The following CAB39L variants were observed in gnomAD, a reference collection of about 807,000 sequenced individuals.
CAB39L encodes the protein calcium-binding protein 39-like.
Under a neutral mutation model 39.1 loss-of-function variants are expected in CAB39L, and 23 were observed. That is an observed-to-expected ratio of 0.59 (90% CI 0.42 to 0.83). The LOEUF is 0.83. Among genes scored for constraint, CAB39L ranks in the 40% least tolerant of loss-of-function variants. CAB39L has a pLI of 0.00. For missense variants in CAB39L, 366 were observed against 391.9 expected (o/e 0.93, Z 0.56); for synonymous variants, 126 against 137.2 (o/e 0.92, Z 0.57).
chr13:49,409,660 G>T (rs988663290), intron 3 of CAB39L, among the ~76,000 whole-genome samples: 4 of 152,098 alleles, frequency 2.6e-5, no homozygotes, highest in Non-Finnish European at 5.9e-5. Context: ...GAGGAATGAA[G>T]TTAGGAAGCA....
At chr13:49,410,345 C>T (rs1376796940) in intron 3 of CAB39L, among the ~76,000 whole-genome samples, 1 of 152,198 alleles carries the variant, frequency 6.6e-6, no homozygotes, top group Non-Finnish European at 1.5e-5. Context: ...GAACAATTCC[C>T]ACCCTGTTGA....
At chr13:49,343,832 T>G (rs1399240156) in intron 8 of CAB39L, among the ~76,000 whole-genome samples, 3 of 152,188 alleles carry the variant, frequency 2.0e-5, no homozygotes, top group African/African-American at 7.2e-5. Context: ...GTAAGACTAA[T>G]TATCAACCAA....
chr13:49,364,186 G>A (rs1444750271), intron 5 of CAB39L, among the ~76,000 whole-genome samples: 7 of 152,170 alleles, frequency 4.6e-5, no homozygotes, highest in Non-Finnish European at 7.3e-5. Flanking sequence ...AATATTATTA[G>A]AGCTAAAGTG....
intron 9 of CAB39L, among the ~76,000 whole-genome samples, chr13:49,334,616 G>A (rs1445942829): frequency 6.6e-6 from 1 of 152,062 alleles, no homozygotes; most frequent in Non-Finnish European, 1.5e-5. Context: ...AGTTATTTGT[G>A]ACCCTGTTTA....
intron 5 of CAB39L, among the ~76,000 whole-genome samples, chr13:49,360,593 A>G (rs1416784526): frequency 6.6e-6 from 1 of 152,184 alleles, no homozygotes; most frequent in African/African-American, 2.4e-5. Context: ...TATATGAAAA[A>G]TAAGTACAAG....
intron 3 of CAB39L, among the ~76,000 whole-genome samples, chr13:49,410,182 G>C (rs923338312): frequency 6.6e-6 from 1 of 152,158 alleles, no homozygotes; most frequent in Non-Finnish European, 1.5e-5. Context: ...AATGGGCTTA[G>C]TGCCATAACC....
intron 3 of CAB39L, among the ~76,000 whole-genome samples, chr13:49,421,367 C>G (rs533449071): frequency 6.6e-6 from 1 of 152,166 alleles, no homozygotes; most frequent in African/African-American, 2.4e-5. Flanking sequence ...AGACTTCCAT[C>G]CCTGTCTGGC....
chr13:49,325,539 A>G (rs1306194691), intron 10 of CAB39L, among the ~76,000 whole-genome samples: 1 of 152,172 alleles, frequency 6.6e-6, no homozygotes, highest in Non-Finnish European at 1.5e-5. Context: ...CTGTAATCCC[A>G]GCACTTTGGG....
chr13:49,380,147 T>A (rs1956222752), intron 4 of CAB39L, among the ~76,000 whole-genome samples: 1 of 152,224 alleles, frequency 6.6e-6, no homozygotes, highest in African/African-American at 2.4e-5. Context: ...CCCAGTAATC[T>A]TTTAAACCAC....
At chr13:49,371,601 T>C (rs1352602282) in intron 5 of CAB39L, among the ~76,000 whole-genome samples, 1 of 150,736 alleles carries the variant, frequency 6.6e-6, no homozygotes, top group African/African-American at 2.5e-5. Context: ...TGTTTTGCTA[T>C]TTTTTTTTCT....
intron 9 of CAB39L, among the ~76,000 whole-genome samples, chr13:49,338,418 G>C (rs978118687): frequency 6.7e-6 from 1 of 148,344 alleles, no homozygotes; most frequent in Non-Finnish European, 1.5e-5. Context: ...ACCAAACACC[G>C]CATATTCTCA....
chr13:49,356,874 C>G (rs1324577450), intron 6 of CAB39L, among the ~76,000 whole-genome samples: 1 of 151,936 alleles, frequency 6.6e-6, no homozygotes, highest in Non-Finnish European at 1.5e-5. Flanking sequence ...ATGGTGAAAC[C>G]TCGTCTCTAC....
Position 49,406,333 on chromosome 13 carries a change from A to AATTT in CAB39L, c.-31-23393_-31-23392insAAAT, listed in dbSNP as rs1555264228. Among the ~76,000 whole-genome samples the AATTT allele has an allele frequency of 5.6e-3, 504 of 90,594 alleles. 10 individuals carry two copies. The highest frequency in any genetic ancestry group is 0.021 in the African/African-American group (462 of 21,832). 59.4% of individuals were successfully genotyped at this position (90,594 alleles called of 152,430 possible). The stretch of plus-strand genomic sequence containing the variant: ...CAGGCATCCGCCACCATGCCCAGCT[A>AATTT]TTTTTTTTTTTTTTTTTTTTGTATT... On this transcript the variant is annotated intron_variant, in intron 3 of 10. Transcript: ENST00000409308.
chr13:49,325,149 A>G (rs753583019), intron 10 of CAB39L, among the ~76,000 whole-genome samples: 15 of 152,246 alleles, frequency 9.9e-5, no homozygotes, highest in Non-Finnish European at 1.9e-4. Context: ...TGATTGTTTT[A>G]TGAATTTTTA....
At chr13:49,431,327 T>A (rs907096109) in intron 3 of CAB39L, among the ~76,000 whole-genome samples, 1 of 152,144 alleles carries the variant, frequency 6.6e-6, no homozygotes, top group African/African-American at 2.4e-5. Flanking sequence ...TGCTGAGGAG[T>A]ATTCCATTGT....
chr13:49,376,411 TTTAG>T (rs375198842), intron 5 of CAB39L, among the ~76,000 whole-genome samples: 2 of 152,216 alleles, frequency 1.3e-5, no homozygotes, highest in East Asian at 1.9e-4. Context: ...AAGCTTTTGT[TTTAG>T]TTAGTCAGTT....
chr13:49,377,742 C>T (rs1173927859), intron 4 of CAB39L, among the ~76,000 whole-genome samples: 8 of 84,382 alleles, frequency 9.5e-5, no homozygotes, highest in African/African-American at 5.0e-4. Flanking sequence ...CGGCTCACTA[C>T]AACCTACACC....
At chr13:49,396,466 T>C (rs1349710051) in intron 3 of CAB39L, among the ~76,000 whole-genome samples, 2 of 152,184 alleles carry the variant, frequency 1.3e-5, no homozygotes, top group East Asian at 3.8e-4. Flanking sequence ...CCCAGCACTT[T>C]GCGGGGCTAA....
chr13:49,439,102 A>G (rs989898657), intron 1 of CAB39L, among the ~76,000 whole-genome samples: 1 of 151,252 alleles, frequency 6.6e-6, no homozygotes, highest in Non-Finnish European at 1.5e-5. Flanking sequence ...TCATTTTTCC[A>G]TTTTTCTTAT....
Sources: gnomAD v4.1 joint callset for allele counts (sites outside exome capture counted in the v4.1 genomes callset) on GRCh38, gnomAD v4.1.1 for gene constraint, MANE v1.5 for transcripts, NCBI Gene and HGNC (gene_info 2026-07-23, HGNC 2026-07-21) for gene names.